CHID1: variants seen among roughly 807,000 people sequenced by gnomAD.
CHID1 encodes chitinase domain containing 1, also known as chitinase domain-containing protein 1.
CHID1 carries 44 observed loss-of-function variants against 55.4 expected under a neutral mutation model. That is an observed-to-expected ratio of 0.79 (90% CI 0.62 to 1.02). The LOEUF (loss-of-function observed/expected upper bound fraction) is 1.02, where lower values mean the gene tolerates loss of function less well. Ranked by LOEUF, CHID1 falls within the 50% of genes least tolerant of loss-of-function variation. The probability of loss-of-function intolerance (pLI) is 0.00; values close to 1 mark genes in which losing one functional copy is unlikely to be tolerated. For missense variants in CHID1, 491 were observed against 515.3 expected, an observed-to-expected ratio of 0.95 and a Z score of 0.46; for synonymous variants, 216 against 212.9, an observed-to-expected ratio of 1.01 and a Z score of -0.13.
rs552115132 is a variant in CHID1 at position 868,557 on chromosome 11, G to C, written c.*1301C>G. 6.6e-6 allele frequency: 1 copy of C among 152,306 alleles called. No homozygotes were observed. Among genetic ancestry groups the C allele is most frequent in the African/African-American group, 2.4e-5 (1 of 41,554 alleles). 9.4% of individuals were successfully genotyped at this position (152,306 alleles called of 1,614,324 possible). ...CGTGTCAAGCAGCAGCAGGGCGGTG[G>C]GAACGGCTGCACCTGCACTGTGGCA... On this transcript the variant is annotated 3_prime_UTR_variant, in exon 13 of 13. Coordinates refer to ENST00000323578, the MANE Select transcript of CHID1 (RefSeq NM_023947.4).
At chr11:897,231 C>T (rs113516971) in intron 7 of CHID1, among the ~76,000 whole-genome samples, 1 of 139,162 alleles carries the variant, frequency 7.2e-6, no homozygotes. Flanking sequence ...CAGACACGAG[C>T]CTGTCTCAGC....
upstream of CHID1, chr11:914,587 G>A (rs1322590339): frequency 2.6e-5 from 33 of 1,289,088 alleles, no homozygotes; most frequent in Non-Finnish European, 3.3e-5. Flanking sequence ...AGCACTCGAA[G>A]GCTGGGAGTG....
At chr11:876,529 G>C (rs1849528853) in intron 10 of CHID1, among the ~76,000 whole-genome samples, 1 of 152,200 alleles carries the variant, frequency 6.6e-6, no homozygotes, top group South Asian at 2.1e-4. Flanking sequence ...GCACAGTTGA[G>C]AGCCAGGAAC....
At chr11:887,123 C>T (rs1331742119) in intron 8 of CHID1, among the ~76,000 whole-genome samples, 1 of 152,148 alleles carries the variant, frequency 6.6e-6, no homozygotes, top group Non-Finnish European at 1.5e-5. Context: ...AGCCTCAAGA[C>T]CTCTTGAGCT....
chr11:894,452 CCA>C (rs1241067918), intron 7 of CHID1, among the ~76,000 whole-genome samples: 32 of 152,334 alleles, frequency 2.1e-4, no homozygotes, highest in Middle Eastern at 3.4e-3. Flanking sequence ...ACGCTGGTGC[CCA>C]TGAGTCTACC....
chr11:893,134 T>C (rs1850963566), intron 8 of CHID1, among the ~76,000 whole-genome samples: 1 of 152,162 alleles, frequency 6.6e-6, no homozygotes, highest in Non-Finnish European at 1.5e-5. Context: ...CTCGACACCC[T>C]GGGGTGCCCC....
rs934223496 is a variant in CHID1 at position 869,895 on chromosome 11, A to G, written c.1145T>C (p.Leu382Pro). 3.1e-6 allele frequency: 5 copies of G among 1,612,876 alleles called. No individual in the cohort carries two copies. The highest frequency in any genetic ancestry group is 1.7e-5 in the Admixed American group (1 of 60,020). ...GTAGAAGTAGTCCAGGCCCTGGCCC[A>G]GCTCCCAGATAGAGACCCCAACGCC... is the stretch of plus-strand genomic sequence containing the variant. ...ELGVGVSIWE[L>P]GQGLDYFYDL... The change falls in exon 13 of 13, where the codon CTG (leucine) becomes CCG (proline). Residue 382 changes from leucine to proline, a missense_variant. Leu to Pro is a moderately conservative substitution (Grantham distance 98, BLOSUM62 -3). Transcript: ENST00000323578.
Position 904,821 on chromosome 11 carries a change from G to C in CHID1, c.-5C>G, listed in dbSNP as rs1280240109. On this transcript the variant is annotated 5_prime_UTR_variant, in exon 2 of 13. Transcript: ENST00000323578. Reference sequence around the variant, plus strand: ...GAGGTTGAAGAGTGTCCGCATGGTAGGTGTGTCACAGTAGGGTCCAACCTC... The same window carrying C: ...GAGGTTGAAGAGTGTCCGCATGGTACGTGTGTCACAGTAGGGTCCAACCTC... 1 of 1,613,750 alleles carries C rather than the reference G, an allele frequency of 6.2e-7. No individual in the cohort carries two copies. The highest frequency in any genetic ancestry group is 8.5e-7 in the Non-Finnish European group (1 of 1,179,986).
intron 10 of CHID1, among the ~76,000 whole-genome samples, chr11:880,601 C>G (rs1849846191): frequency 6.6e-6 from 1 of 152,220 alleles, no homozygotes; most frequent in Non-Finnish European, 1.5e-5. Flanking sequence ...CAACATACTC[C>G]TCTACCCACT....
At chr11:903,242 G>C (rs775176712) in intron 2 of CHID1, 131 bp from the exon 3 acceptor site, 1 of 896,084 alleles carries the variant, frequency 1.1e-6, no homozygotes, top group Non-Finnish European at 1.7e-6. Flanking sequence ...TGCTGACCCG[G>C]AGACCCTGTA....
chr11:884,720 A>T (rs1565174924), intron 8 of CHID1, among the ~76,000 whole-genome samples: 1 of 152,174 alleles, frequency 6.6e-6, no homozygotes. Context: ...CCAGGGATGG[A>T]GCAAGGCTGT....
chr11:890,174 T>C (rs1001077240), intron 8 of CHID1, among the ~76,000 whole-genome samples: 1 of 152,224 alleles, frequency 6.6e-6, no homozygotes, highest in Admixed American at 6.5e-5. Flanking sequence ...CTTTGGGGCC[T>C]GACCTCAGCC....
At chr11:902,029 T>A (rs1390303987) in intron 4 of CHID1, 169 bp downstream of exon 4, 21 of 637,870 alleles carry the variant, frequency 3.3e-5, no homozygotes, top group Non-Finnish European at 1.8e-5. Flanking sequence ...ATCATCAGTC[T>A]CACACTTACA....
chr11:894,088 C>T (rs1386936717), intron 7 of CHID1, among the ~76,000 whole-genome samples: 1 of 137,722 alleles, frequency 7.3e-6, no homozygotes, highest in Non-Finnish European at 1.5e-5. Context: ...CACCACTGCA[C>T]TCCAGCCTGG....
intron 10 of CHID1, among the ~76,000 whole-genome samples, chr11:881,827 C>T (rs1240981699): frequency 2.0e-5 from 3 of 151,378 alleles, no homozygotes; most frequent in Admixed American, 2.0e-4. Flanking sequence ...CATGGCAAAA[C>T]CCTGTCTCTA....
At chr11:891,810 CA>C (rs1850845537) in intron 8 of CHID1, among the ~76,000 whole-genome samples, 1 of 152,054 alleles carries the variant, frequency 6.6e-6, no homozygotes, top group Non-Finnish European at 1.5e-5. Flanking sequence ...ACCCTGGGAA[CA>C]CAGGTCAGAC....
chr11:870,144 C>G lies in CHID1; in HGVS notation c.1060G>C (p.Val354Leu). The G allele has an allele frequency of 6.2e-7, 1 of 1,613,074 alleles. No homozygotes were observed. Among genetic ancestry groups the G allele is most frequent in the Non-Finnish European group, 8.5e-7 (1 of 1,179,968 alleles). ...ACCTTCAGGGTTGGGTAGAAGACGA[C>G]GTGCCTCCCACTGCGGCTCCTGCAA... is the stretch of plus-strand genomic sequence containing the variant. ...EYKKSRSGRH[V>L]VFYPTLKSLQ... The change falls in exon 12 of 13, where the codon GTC becomes CTC. Residue 354 changes from valine to leucine, a missense_variant. By Grantham distance (32) the Val-to-Leu change is conservative (BLOSUM62 1). Transcript: ENST00000323578.
chr11:914,574 A>C, upstream of CHID1: 1 of 1,289,458 alleles, frequency 7.8e-7, no homozygotes, highest in East Asian at 5.5e-5. Flanking sequence ...AGACATCCTC[A>C]AAAGCACTCG....
At chr11:886,838 G>A (rs1850442739) in intron 8 of CHID1, among the ~76,000 whole-genome samples, 1 of 152,162 alleles carries the variant, frequency 6.6e-6, no homozygotes, top group Admixed American at 6.5e-5. Context: ...TGGCTGCGTC[G>A]GTTCCATCCC....
Sources: gnomAD v4.1 joint callset for allele counts (sites outside exome capture counted in the v4.1 genomes callset) on GRCh38, gnomAD v4.1.1 for gene constraint, MANE v1.5 for transcripts, NCBI Gene and HGNC (gene_info 2026-07-23, HGNC 2026-07-21) for gene names.